PLCL2: variants seen among roughly 807,000 people sequenced by gnomAD.
PLCL2 encodes the protein inactive phospholipase C-like protein 2.
A neutral mutation model predicts 79.6 loss-of-function variants in PLCL2; 4 were observed. The ratio of observed to expected loss-of-function variants is 0.05; its 90% CI spans 0.02 to 0.11. The LOEUF is 0.11. Ranked by LOEUF, PLCL2 falls within the 10% of genes least tolerant of loss-of-function variation. The pLI is 1.00. For missense variants in PLCL2, 895 were observed against 1,291.0 expected (o/e 0.69, Z 4.70); for synonymous variants, 484 against 457.7 (o/e 1.06, Z -0.73).
chr3:17,075,395 T>G (rs572164264), intron 5 of PLCL2, among the ~76,000 whole-genome samples: 1 of 152,116 alleles, frequency 6.6e-6, no homozygotes, highest in African/African-American at 2.4e-5. Context: ...CAATCACAAA[T>G]CACAATAACT....
chr3:17,085,224 T>A (rs2065205164), intron 5 of PLCL2, among the ~76,000 whole-genome samples: 1 of 152,050 alleles, frequency 6.6e-6, no homozygotes, highest in Non-Finnish European at 1.5e-5. Context: ...AGCCTTGACT[T>A]CCCTGGGCTC....
chr3:17,083,557 A>G (rs2065185818), intron 5 of PLCL2, among the ~76,000 whole-genome samples: 1 of 152,200 alleles, frequency 6.6e-6, no homozygotes, highest in South Asian at 2.1e-4. Flanking sequence ...CTGTGTTTTA[A>G]TTTGAGCTCT....
chr3:16,896,547 C>T (rs1299911863), intron 1 of PLCL2, among the ~76,000 whole-genome samples: 1 of 152,174 alleles, frequency 6.6e-6, no homozygotes, highest in Non-Finnish European at 1.5e-5. Context: ...ATGTGCTGCT[C>T]ATAATAAAAC....
Position 16,924,477 on chromosome 3 carries a change from GA to G in PLCL2, c.327+39114del, listed in dbSNP as rs993066349. 1.4e-4 allele frequency among the ~76,000 whole-genome samples: 22 copies of G among 152,216 alleles called. 1 individual carries two copies. The highest frequency in any genetic ancestry group is 1.3e-3 in the Admixed American group (20 of 15,302). Reference sequence around the variant, plus strand: ...TGTACTTGGCTTCTGTGTATATGTCGAAACATATTTTAATACTGAACCAGCA... The same window carrying G: ...TGTACTTGGCTTCTGTGTATATGTCGAACATATTTTAATACTGAACCAGCA... On this transcript the variant is annotated intron_variant, in intron 1 of 5. Transcript: ENST00000615277.
At chr3:17,014,179 G>T (rs781181795) in intron 2 of PLCL2, among the ~76,000 whole-genome samples, 3 of 152,124 alleles carry the variant, frequency 2.0e-5, no homozygotes, top group Non-Finnish European at 2.9e-5. Context: ...GTCCCTGCTG[G>T]GCAGACTCAA....
At position 17,012,156 on chromosome 3, in the gene PLCL2, T is replaced by C; in HGVS notation, c.2810T>C (p.Met937Thr). ...GATGCCACAGATCTGAGAGAAAACA[T>C]GCAGGTGCGTGCTTGTGTTTAATCA... Reference protein sequence around the residue: ...IRDATDLRENMQNAVVSFKEL... With the variant: ...IRDATDLRENTQNAVVSFKEL... Residue 937 changes from methionine to threonine, a missense_variant, in exon 2 of 6, where the codon ATG becomes ACG. Transcript: ENST00000615277. 1 of 1,606,292 alleles carries C rather than the reference T, an allele frequency of 6.2e-7. No homozygotes were observed. The highest frequency in any genetic ancestry group is 8.5e-7 in the Non-Finnish European group (1 of 1,174,860).
chr3:16,940,925 A>G (rs1270002447), intron 1 of PLCL2, among the ~76,000 whole-genome samples: 1 of 152,194 alleles, frequency 6.6e-6, no homozygotes, highest in Non-Finnish European at 1.5e-5. Flanking sequence ...GTGCTGTTGC[A>G]GTTACTACTG....
At chr3:16,973,825 A>C (rs2063897827) in intron 1 of PLCL2, among the ~76,000 whole-genome samples, 1 of 152,222 alleles carries the variant, frequency 6.6e-6, no homozygotes, top group African/African-American at 2.4e-5. Flanking sequence ...GGAGCTTATA[A>C]TCTAGTGGGA....
At chr3:17,003,133 GT>G (rs1195375284) in intron 1 of PLCL2, among the ~76,000 whole-genome samples, 2 of 152,056 alleles carry the variant, frequency 1.3e-5, no homozygotes, top group Admixed American at 6.6e-5. Context: ...TCTTGACAAT[GT>G]TTTTTTGTTG....
intron 1 of PLCL2, among the ~76,000 whole-genome samples, chr3:16,904,736 T>C (rs1450669862): frequency 2.0e-5 from 3 of 151,938 alleles, no homozygotes. Flanking sequence ...TGGTGGGAGG[T>C]AATTGAATCA....
chr3:16,966,667 T>C (rs1404115349), intron 1 of PLCL2, among the ~76,000 whole-genome samples: 1 of 152,032 alleles, frequency 6.6e-6, no homozygotes, highest in African/African-American at 2.4e-5. Context: ...TTGGTTAGTA[T>C]GCTATTAATT....
At chr3:17,035,806 A>G (rs753391038) in intron 3 of PLCL2, 3 of 511,020 alleles carry the variant, frequency 5.9e-6, no homozygotes, top group South Asian at 2.8e-5. Context: ...GCTTAACAAT[A>G]TTTTACATGA....
At chr3:17,063,543 A>G (rs552726934) in intron 4 of PLCL2, among the ~76,000 whole-genome samples, 140 of 151,448 alleles carry the variant, frequency 9.2e-4, no homozygotes, top group Middle Eastern at 3.4e-3. Flanking sequence ...CTCCAGGGAG[A>G]CACAGGAGCC....
intron 3 of PLCL2, among the ~76,000 whole-genome samples, chr3:17,040,362 C>A (rs2064707195): frequency 6.6e-6 from 1 of 152,164 alleles, no homozygotes; most frequent in South Asian, 2.1e-4. Flanking sequence ...ATTATTTATC[C>A]TTTGGTGATA....
Position 16,955,020 on chromosome 3 carries a change from C to G in PLCL2, c.328-54654C>G, listed in dbSNP as rs573378537. 3.2e-3 allele frequency among the ~76,000 whole-genome samples: 488 copies of G among 152,278 alleles called. 3 individuals carry two copies. The highest frequency in any genetic ancestry group is 0.011 in the African/African-American group (468 of 41,546). The stretch of plus-strand genomic sequence containing the variant: ...TAGTTTCTTTTGCTGTGCAGAAGCT[C>G]TTTAGTTTAATTAGATCCCATTTGT... On this transcript the variant is annotated intron_variant, in intron 1 of 5. Transcript: ENST00000615277.
intron 4 of PLCL2, among the ~76,000 whole-genome samples, chr3:17,054,304 G>A (rs991078818): frequency 6.6e-6 from 1 of 152,082 alleles, no homozygotes; most frequent in African/African-American, 2.4e-5. Flanking sequence ...GACCTCCTGA[G>A]CCTGGACTTC....
At chr3:17,042,651 C>T (rs1410330232) in intron 3 of PLCL2, 1 of 450,620 alleles carries the variant, frequency 2.2e-6, no homozygotes, top group Admixed American at 3.5e-5. Flanking sequence ...AGCCTCACTG[C>T]ACTTGGAAAG....
At position 17,009,927 on chromosome 3, in the gene PLCL2, T is replaced by C; in HGVS notation, c.581T>C (p.Val194Ala). Residue 194 changes from valine to alanine, a missense_variant, in exon 2 of 6, where the codon GTG (valine) becomes GCG (alanine). Physicochemically the swap from Val to Ala is moderately conservative, Grantham distance 64. Around this residue, in one of 6 missense-constraint regions of PLCL2, gnomAD observed 129 missense variants for 208.8 expected, o/e 0.62. Coordinates refer to ENST00000615277, the MANE Select transcript of PLCL2 (RefSeq NM_001144382.2). This position sits in a 1 kb window ranked among gnomAD's most constrained non-coding sequence, Gnocchi z 4.0. ...AKIDIKSIKE[V>A]RTGKNTDIFR... Reference sequence around the variant, plus strand: ...ATTGACATTAAATCCATCAAGGAAGTGAGAACAGGAAAAAACACAGACATA... The same window carrying C: ...ATTGACATTAAATCCATCAAGGAAGCGAGAACAGGAAAAAACACAGACATA... The C allele has an allele frequency of 1.2e-6, 2 of 1,613,932 alleles. No homozygotes were observed. Among genetic ancestry groups the C allele is most frequent in the Non-Finnish European group, 8.5e-7 (1 of 1,179,896 alleles).
intron 1 of PLCL2, among the ~76,000 whole-genome samples, chr3:16,959,036 A>G (rs890456639): frequency 1.3e-5 from 2 of 152,206 alleles, no homozygotes; most frequent in African/African-American, 4.8e-5. Context: ...AACCAGTAGC[A>G]GAGCAAAGGA....
Sources: gnomAD v4.1 joint callset for allele counts (sites outside exome capture counted in the v4.1 genomes callset) on GRCh38, gnomAD v4.1.1 for gene constraint, gnomAD v4.1.1 regional missense constraint, Gnocchi (gnomAD v3.1) non-coding constraint, MANE v1.5 for transcripts, NCBI Gene and HGNC (gene_info 2026-07-23, HGNC 2026-07-21) for gene names.